The following ZNF76 variants were observed in gnomAD, a reference collection of about 807,000 sequenced individuals.
The protein encoded by ZNF76 is zinc finger protein 523.
A neutral mutation model predicts 66.9 loss-of-function variants in ZNF76; 66 were observed. The ratio of observed to expected loss-of-function variants is 0.99; its 90% confidence interval spans 0.81 to 1.21. ZNF76 has a LOEUF of 1.21. Among genes scored for constraint, ZNF76 ranks in the 50% most tolerant of loss-of-function variants. ZNF76 has a pLI of 0.00. For synonymous variants in ZNF76, 275 were observed against 296.1 expected (o/e 0.93, Z 0.73); for missense variants, 729 against 760.3 (o/e 0.96, Z 0.48).
Position 35,291,338 on chromosome 6 carries a change from A to G in ZNF76, c.686A>G (p.Glu229Gly), listed in dbSNP as rs1455242100. 13 of 1,613,978 alleles carry G rather than the reference A, an allele frequency of 8.1e-6. No homozygotes were observed. Residue 229 changes from glutamate (E) to glycine (G), a missense_variant, in exon 8 of 14, where the codon GAG becomes GGG. Coordinates refer to ENST00000373953, the MANE Select transcript of ZNF76 (RefSeq NM_003427.5). Reference sequence around the variant, plus strand: ...GGTGAGAAACCATACAAGTGCCCAGAGGAGCTGTGCAGCAAGGCCTTCAAG... The same window carrying G: ...GGTGAGAAACCATACAAGTGCCCAGGGGAGCTGTGCAGCAAGGCCTTCAAG... The part of the protein sequence containing the change: ...HTGEKPYKCP[E>G]ELCSKAFKTS...
chr6:35,292,468 C>T lies in ZNF76; in HGVS notation c.932-86C>T. 1 of 1,439,426 alleles carries T rather than the reference C, an allele frequency of 6.9e-7. No homozygotes were observed. The highest frequency in any genetic ancestry group is 1.8e-5 in the Admixed American group (1 of 55,778). 89.2% of individuals were successfully genotyped at this position (1,439,426 alleles called of 1,614,324 possible). A position where few individuals can be genotyped will look rare whatever the true frequency, so the allele number is the denominator to read the frequency against. On this transcript the variant is annotated intron_variant, in intron 9 of 13. Transcript: ENST00000373953. This position sits in a 1 kb window ranked among gnomAD's most constrained non-coding sequence, Gnocchi z 4.7. ...CTCTCCCTCCCTCTGGCTCTCCCTT[C>T]ACCAACCCTGTCCCTCACCCCTGTC... is the stretch of plus-strand genomic sequence containing the variant.
intron 2 of ZNF76, among the ~76,000 whole-genome samples, chr6:35,282,670 A>T (rs565480535): frequency 1.4e-4 from 22 of 152,298 alleles, no homozygotes; most frequent in South Asian, 4.1e-4. Context: ...CTCCTGAAGC[A>T]CTGTCATTGC....
intron 1 of ZNF76, among the ~76,000 whole-genome samples, chr6:35,269,360 T>C (rs1480269347): frequency 1.3e-5 from 2 of 151,624 alleles, no homozygotes; most frequent in Non-Finnish European, 2.9e-5. Flanking sequence ...GGATTTGTGA[T>C]GTTGGACAGG....
intron 5 of ZNF76, among the ~76,000 whole-genome samples, chr6:35,289,205 G>A (rs1262592362): frequency 1.3e-5 from 2 of 152,084 alleles, no homozygotes; most frequent in African/African-American, 2.4e-5. Context: ...GATGATCTCA[G>A]AGGTCACTTC....
rs766188068 is a variant in ZNF76 at position 35,287,708 on chromosome 6, C to T, written c.295C>T (p.His99Tyr). The change falls in exon 5 of 14, where the codon CAC becomes TAC. Residue 99 changes from histidine (H) to tyrosine (Y), a missense_variant. Physicochemically the swap from His to Tyr is moderately conservative, Grantham distance 83. Transcript: ENST00000373953. The surrounding 1 kb of genome is among the most constrained non-coding windows in gnomAD (Gnocchi z 4.0). ...QLEDGSTAYIHHPVAVPSEST... is the reference protein window; with the variant it reads ...QLEDGSTAYIYHPVAVPSEST... ...GGAAGATGGCTCCACTGCCTACATT[C>T]ACCACCCTGTGGCTGTGCCATCGGA... 1.9e-6 allele frequency: 3 copies of T among 1,614,208 alleles called. No homozygotes were observed. Among genetic ancestry groups the T allele is most frequent in the East Asian group, 2.2e-5 (1 of 44,890 alleles).
intron 2 of ZNF76, among the ~76,000 whole-genome samples, chr6:35,282,390 T>G (rs1275977250): frequency 2.0e-5 from 3 of 152,046 alleles, no homozygotes; most frequent in Admixed American, 2.0e-4. Context: ...GTATTGTTTA[T>G]CTGAAATTCA....
intron 1 of ZNF76, among the ~76,000 whole-genome samples, chr6:35,268,055 C>G (rs1267076797): frequency 6.6e-6 from 1 of 152,176 alleles, no homozygotes; most frequent in Non-Finnish European, 1.5e-5. Context: ...AATCAGGATT[C>G]AAATCTGAGC....
At chr6:35,271,740 T>C (rs975152194) in intron 1 of ZNF76, among the ~76,000 whole-genome samples, 2 of 151,310 alleles carry the variant, frequency 1.3e-5, no homozygotes, top group African/African-American at 4.9e-5. Flanking sequence ...TACTGAATCA[T>C]GGGGTCCCAC....
chr6:35,291,247 A>G, intron 7 of ZNF76, 31 bp from the exon 8 acceptor site: 5 of 1,583,462 alleles, frequency 3.2e-6, no homozygotes, highest in Non-Finnish European at 4.3e-6. Context: ...CTGGGTGCTC[A>G]TCTCACCCCC....
At chr6:35,266,183 C>T (rs933075225) in intron 1 of ZNF76, among the ~76,000 whole-genome samples, 2 of 150,628 alleles carry the variant, frequency 1.3e-5, no homozygotes, top group Admixed American at 6.6e-5. Context: ...CAAGACATCT[C>T]GCTCTGTCGC....
Position 35,286,324 on chromosome 6 carries a change from GCT to G in ZNF76, c.163_164del (p.Ser55LeufsTer2). 6.2e-7 allele frequency: 1 copy of G among 1,614,222 alleles called. No homozygotes were observed. Among genetic ancestry groups the G allele is most frequent in the Non-Finnish European group, 8.5e-7 (1 of 1,180,030 alleles). ...GGCAGGCATTGCTCTCGTTACAGAA[GCT>G]CTCTCCTTTGAGGATGGTCAGCCTG... is the stretch of plus-strand genomic sequence containing the variant. ...YIHQVTVQKEALSFEDGQPVQ... is the reference protein window; with the variant it reads ...YIHQVTVQKEXLSFEDGQPVQ... On this transcript the variant is annotated frameshift_variant, in exon 4 of 14. Transcript: ENST00000373953. LOFTEE classifies it high-confidence loss of function.
chr6:35,273,865 A>G (rs1787508386), intron 1 of ZNF76, among the ~76,000 whole-genome samples: 1 of 23,666 alleles, frequency 4.2e-5, no homozygotes, highest in East Asian at 1.7e-3. Context: ...AAAAAGAAGA[A>G]AAAAAAAATT....
intron 1 of ZNF76, among the ~76,000 whole-genome samples, chr6:35,269,373 A>G (rs1175411459): frequency 3.3e-5 from 5 of 151,126 alleles, no homozygotes; most frequent in Non-Finnish European, 5.9e-5. Context: ...TGGACAGGTC[A>G]TTCGGGGTCT....
chr6:35,268,308 C>T (rs558669920), intron 1 of ZNF76, among the ~76,000 whole-genome samples: 1 of 152,262 alleles, frequency 6.6e-6, no homozygotes, highest in South Asian at 2.1e-4. Context: ...TGTGTTTATT[C>T]TTGTGTCATT....
rs146688406 is a variant in ZNF76 at position 35,294,550 on chromosome 6, G to A, written c.1589G>A (p.Gly530Glu). 2.0e-5 allele frequency: 32 copies of A among 1,613,648 alleles called. No individual in the cohort carries two copies. In the African/African-American group the frequency reaches 4.0e-4, roughly 20 times the overall value. The change falls in exon 13 of 14, where the codon GGA (glycine) becomes GAA (glutamate). Residue 530 changes from glycine to glutamate, a missense_variant. Physicochemically the swap from Gly to Glu is moderately conservative, Grantham distance 98. Transcript: ENST00000373953. ...QQVALLATAN[G>E]THIAVQLEEQ... ...GTGGCACTGTTGGCCACAGCCAACG[G>A]AACGCACATTGCAGTGCAGGTGAGT... is the stretch of plus-strand genomic sequence containing the variant.
intron 2 of ZNF76, 150 bp downstream of exon 2, chr6:35,281,374 G>A (rs1788750674): frequency 8.9e-6 from 6 of 675,518 alleles, no homozygotes; most frequent in Middle Eastern, 4.1e-4. Flanking sequence ...AATCTCCTGT[G>A]GTGCTTGATG....
At chr6:35,264,074 A>T (rs1280176751) in intron 1 of ZNF76, among the ~76,000 whole-genome samples, 2 of 152,162 alleles carry the variant, frequency 1.3e-5, no homozygotes, top group East Asian at 3.8e-4. Flanking sequence ...TTCTGTCTTC[A>T]TCTCTTCCCT....
At chr6:35,286,668 A>G (rs1734001209) in intron 4 of ZNF76, 1 of 566,686 alleles carries the variant, frequency 1.8e-6, no homozygotes, top group Non-Finnish European at 3.2e-6. Context: ...CACAGCCACA[A>G]AGTCTTAGGG....
chr6:35,287,730 C>T lies in ZNF76; in HGVS notation c.317C>T (p.Ser106Leu), dbSNP rs751726234. 6.2e-6 allele frequency: 10 copies of T among 1,614,054 alleles called. No individual in the cohort carries two copies. The South Asian group carries it at 6.6e-5, about 11-fold the overall frequency. The change falls in exon 5 of 14, where the codon TCG becomes TTG. Residue 106 changes from serine to leucine, a missense_variant. Coordinates refer to ENST00000373953, the MANE Select transcript of ZNF76 (RefSeq NM_003427.5). The surrounding 1 kb of genome is among the most constrained non-coding windows in gnomAD (Gnocchi z 4.0). ...ATTCACCACCCTGTGGCTGTGCCAT[C>T]GGAGAGCACCATCCTGGCCGTACAG... ...AYIHHPVAVP[S>L]ESTILAVQTE...
Sources: gnomAD v4.1 joint callset for allele counts (sites outside exome capture counted in the v4.1 genomes callset) on GRCh38, gnomAD v4.1.1 for gene constraint, Gnocchi (gnomAD v3.1) non-coding constraint, MANE v1.5 for transcripts, NCBI Gene and HGNC (gene_info 2026-07-23, HGNC 2026-07-21) for gene names.